The following PLEC variants were observed in gnomAD, a reference collection of about 807,000 sequenced individuals.
PLEC encodes the protein hemidesmosomal protein 1.
In PLEC, 216 loss-of-function variants were observed where a neutral mutation model predicts 392.8. The ratio of observed to expected loss-of-function variants is 0.55; its 90% CI spans 0.49 to 0.62. The LOEUF is 0.62. Ranked by LOEUF, PLEC falls within the 20% of genes least tolerant of loss-of-function variation. The pLI is 0.00. For synonymous variants in PLEC, 3,621 were observed against 2,980.6 expected (o/e 1.21, Z -7.00); for missense variants, 6,863 against 6,563.4 (o/e 1.05, Z -1.58).
chr8:143,951,868 C>T (rs929013777), upstream of PLEC, among the ~76,000 whole-genome samples: 7 of 152,076 alleles, frequency 4.6e-5, no homozygotes, highest in Non-Finnish European at 8.8e-5. Context: ...ATCATCCACC[C>T]CCCCCTCCCC....
At chr8:143,936,140 A>C in intron 5 of PLEC, 126 bp from the exon 6 acceptor site, 1 of 1,000,422 alleles carries the variant, frequency 1.0e-6, no homozygotes, top group Non-Finnish European at 1.5e-6. Flanking sequence ...CCACCAAACC[A>C]GCCAGGGCAG....
Position 143,926,598 on chromosome 8 carries a change from G to A in PLEC, c.4044+186C>T, listed in dbSNP as rs147470589. Among the ~76,000 whole-genome samples, 192 of 152,292 alleles carry A rather than the reference G, an allele frequency of 1.3e-3. 4 individuals carry two copies. The East Asian group carries it at 0.027, about 21-fold the overall frequency. On this transcript the variant is annotated intron_variant, in intron 30 of 31. Transcript: ENST00000345136. Reference sequence around the variant, plus strand: ...GAGCAGTGTAGCCACACCAGGCCAGGGGGGCAGGCCACAGGTGGGGCAGCC... The same window carrying A: ...GAGCAGTGTAGCCACACCAGGCCAGAGGGGCAGGCCACAGGTGGGGCAGCC...
At chr8:143,938,803 C>T in intron 1 of PLEC, 111 bp from the exon 2 acceptor site, 1 of 893,156 alleles carries the variant, frequency 1.1e-6, no homozygotes, top group East Asian at 2.4e-5. Flanking sequence ...CCTGGGGAGC[C>T]CCAAAGCCTC....
At chr8:143,954,987 G>A (rs1235445157), upstream of PLEC, among the ~76,000 whole-genome samples, 3 of 152,132 alleles carry the variant, frequency 2.0e-5, no homozygotes, top group Admixed American at 1.3e-4. The surrounding 1 kb of genome is among the most constrained non-coding windows in gnomAD (Gnocchi z 4.6). Flanking sequence ...GAGCGAGGCC[G>A]GCAGCTCCCA....
In PLEC at chr8:143,925,625, G is replaced by A. The variant is rs1188418747; in HGVS notation, c.4304C>T (p.Ala1435Val). 3 of 1,583,440 alleles carry A rather than the reference G, an allele frequency of 1.9e-6. No homozygotes were observed. Among genetic ancestry groups the A allele is most frequent in the East Asian group, 2.3e-5 (1 of 44,036 alleles). The change falls in exon 31 of 32, where the codon GCC becomes GTC. Residue 1435 changes from alanine to valine, a missense_variant. Transcript: ENST00000345136. ...LRQSSEAEIQAKARQAEAAER... is the reference protein window; with the variant it reads ...LRQSSEAEIQVKARQAEAAER... ...AGCCGCCTCTGCCTGCCGGGCCTTG[G>A]CCTGGATCTCCGCCTCCGAGCTCTG...
upstream of PLEC, among the ~76,000 whole-genome samples, chr8:143,973,861 T>A (rs1833563359): frequency 6.6e-6 from 1 of 151,380 alleles, no homozygotes; most frequent in African/African-American, 2.4e-5. This position sits in a 1 kb window ranked among gnomAD's most constrained non-coding sequence, Gnocchi z 5.6. Flanking sequence ...GCCCCCCACC[T>A]TGCTTCCTGC....
chr8:143,937,045 A>G lies in PLEC; in HGVS notation c.369T>C (p.Asp123=). The G allele has an allele frequency of 2.5e-6, 4 of 1,612,996 alleles. No individual in the cohort carries two copies. The change falls in exon 5 of 32, where the codon GAT becomes GAC. Residue 123 remains aspartate, a synonymous_variant. Coordinates refer to ENST00000345136, the MANE Select transcript of PLEC (RefSeq NM_201384.3). ...GCTTGGGGTTGCCGTCAGCGATGTC[A>G]TCATTCCTGATGTTCACCAGCTTCA... is the stretch of plus-strand genomic sequence containing the variant. ...RQVKLVNIRN[D]DIADGNPKLT...
chr8:143,967,815 G>A (rs1420094892), intron 1 of PLEC, among the ~76,000 whole-genome samples: 2 of 151,978 alleles, frequency 1.3e-5, no homozygotes, highest in Admixed American at 6.6e-5. Context: ...AACTCTAGGA[G>A]ATGTGCTCAG....
chr8:143,948,647 T>G (rs1564205890), intron 1 of PLEC, among the ~76,000 whole-genome samples: 2 of 152,112 alleles, frequency 1.3e-5, no homozygotes, highest in Non-Finnish European at 2.9e-5. Context: ...GGGGACTGAG[T>G]CACCTCCATC....
At chr8:143,940,269 C>G (rs1374600978), upstream of PLEC, among the ~76,000 whole-genome samples, 2 of 152,230 alleles carry the variant, frequency 1.3e-5, no homozygotes, top group Non-Finnish European at 2.9e-5. Flanking sequence ...CAGGCAGACA[C>G]CTCACGTCGG....
At chr8:143,939,120 C>T (rs906730937) in intron 1 of PLEC, among the ~76,000 whole-genome samples, 11 of 152,192 alleles carry the variant, frequency 7.2e-5, no homozygotes. Flanking sequence ...TTCCCCAGAG[C>T]GCAGAGTTCC....
At chr8:143,948,523 C>T (rs1311718071) in intron 1 of PLEC, among the ~76,000 whole-genome samples, 1 of 152,188 alleles carries the variant, frequency 6.6e-6, no homozygotes, top group Non-Finnish European at 1.5e-5. Context: ...CCAAGCTCAG[C>T]CCGTGAGGTC....
chr8:143,965,506 GC>G (rs1330119261), intron 1 of PLEC, among the ~76,000 whole-genome samples: 1 of 151,868 alleles, frequency 6.6e-6, no homozygotes, highest in Non-Finnish European at 1.5e-5. Flanking sequence ...TGCTCTCCCA[GC>G]CCCGCATCTC....
upstream of PLEC, chr8:143,942,665 G>T: frequency 9.5e-7 from 1 of 1,052,170 alleles, no homozygotes; most frequent in Non-Finnish European, 1.3e-6. Flanking sequence ...CACTGCGGGA[G>T]CGAGGCCCAG....
In PLEC at chr8:143,930,492, G is replaced by C. The variant is rs782007023; in HGVS notation, c.2349C>G (p.Gly783=). The C allele has an allele frequency of 1.3e-6, 2 of 1,596,322 alleles. No homozygotes were observed. Among genetic ancestry groups the C allele is most frequent in the East Asian group, 4.6e-5 (2 of 43,798 alleles). Residue 783 remains glycine, a synonymous_variant, in exon 20 of 32, where the codon GGC becomes GGG. Transcript: ENST00000345136. ...QLNEYKGHLS[G]LAKRAKAVVQ... is the part of the protein sequence containing the mutation. ...CGACGGCCTTGGCCCGCTTGGCCAG[G>C]CCTGAGAGGTGGCCCTTGTACTCGT... is the stretch of plus-strand genomic sequence containing the variant.
rs782081177 is a variant in PLEC at position 143,924,917 on chromosome 8, C to T, written c.5012G>A (p.Arg1671His). The change falls in exon 31 of 32, where the codon CGC (arginine) becomes CAC (histidine). Residue 1671 changes from arginine to histidine, a missense_variant. Coordinates refer to ENST00000345136, the MANE Select transcript of PLEC (RefSeq NM_201384.3). The part of the protein sequence containing the change: ...EAEKQKEEAE[R>H]EARRRGKAEE... Reference sequence around the variant, plus strand: ...CGCCTTGCCGCGCCGCCGCGCCTCGCGCTCCGCCTCCTCCTTCTGCTTCTC... The same window carrying T: ...CGCCTTGCCGCGCCGCCGCGCCTCGTGCTCCGCCTCCTCCTTCTGCTTCTC... The T allele has an allele frequency of 1.0e-5, 16 of 1,584,954 alleles. No homozygotes were observed. The highest frequency in any genetic ancestry group is 2.3e-5 in the East Asian group (1 of 44,028).
Position 143,923,924 on chromosome 8 carries a change from C to A in PLEC, c.6005G>T (p.Arg2002Leu). 4 of 1,595,112 alleles carry A rather than the reference C, an allele frequency of 2.5e-6. No individual in the cohort carries two copies. Among genetic ancestry groups the A allele is most frequent in the Non-Finnish European group, 3.4e-6 (4 of 1,178,188 alleles). The change falls in exon 31 of 32, where the codon CGG becomes CTG. Residue 2002 changes from arginine (R) to leucine (L), a missense_variant. Coordinates refer to ENST00000345136, the MANE Select transcript of PLEC (RefSeq NM_201384.3). ...KSLAAEEEAA[R>L]QRKAALEEVE... ...TTCCTCCAGCGCCGCCTTCCGCTGC[C>A]GTGCGGCCTCCTCCTCGGCCGCCAG...
At chr8:143,952,667 C>T (rs1242677102), upstream of PLEC, among the ~76,000 whole-genome samples, 1 of 152,070 alleles carries the variant, frequency 6.6e-6, no homozygotes, top group African/African-American at 2.4e-5. Flanking sequence ...AACTAACCCA[C>T]GATACCCACA....
chr8:143,952,186 A>ACACACACACACACACACACACG, upstream of PLEC, among the ~76,000 whole-genome samples: 2 of 105,880 alleles, frequency 1.9e-5, no homozygotes, highest in African/African-American at 7.9e-5. Context: ...CTCCAAACAC[A>ACACACACACACACACACACACG]CACACACACA....
Sources: gnomAD v4.1 joint callset for allele counts (sites outside exome capture counted in the v4.1 genomes callset) on GRCh38, gnomAD v4.1.1 for gene constraint, Gnocchi (gnomAD v3.1) non-coding constraint, MANE v1.5 for transcripts, NCBI Gene and HGNC (gene_info 2026-07-23, HGNC 2026-07-21) for gene names.